Variants in CADM2 observed in about 807,000 individuals in gnomAD.
CADM2 encodes the protein cell adhesion molecule 2.
Under a neutral mutation model 49.8 loss-of-function variants are expected in CADM2, and 12 were observed. The observed-to-expected ratio is 0.24, with a 90% CI of 0.15 to 0.39. CADM2 has a LOEUF of 0.39. Among genes scored for constraint, CADM2 ranks in the 10% least tolerant of loss-of-function variants. CADM2 has a pLI of 1.00. For synonymous variants in CADM2, 214 were observed against 175.4 expected, an observed-to-expected ratio of 1.22 and a Z score of -1.74; for missense variants, 378 against 492.3, an observed-to-expected ratio of 0.77 and a Z score of 2.20.
chr3:85,169,340 T>C (rs947569013), intron 1 of CADM2, among the ~76,000 whole-genome samples: 9 of 152,206 alleles, frequency 5.9e-5, no homozygotes, highest in Non-Finnish European at 1.0e-4. Context: ...TCTTTCAAAC[T>C]TGAGTCCATA....
At chr3:85,816,730 A>G (rs1365482285) in intron 3 of CADM2, among the ~76,000 whole-genome samples, 1 of 152,168 alleles carries the variant, frequency 6.6e-6, no homozygotes, top group African/African-American at 2.4e-5. Flanking sequence ...ACACAAAAAT[A>G]TAAACGAAAA....
intron 1 of CADM2, among the ~76,000 whole-genome samples, chr3:85,703,943 A>T (rs2066859737): frequency 1.3e-5 from 2 of 152,206 alleles, no homozygotes; most frequent in South Asian, 4.1e-4. Context: ...CATCTACCTC[A>T]TGAAAAACAT....
At chr3:85,412,918 G>T (rs943818083) in intron 1 of CADM2, among the ~76,000 whole-genome samples, 6 of 151,388 alleles carry the variant, frequency 4.0e-5, no homozygotes, top group Non-Finnish European at 8.8e-5. Context: ...GAGGCGGGCG[G>T]ATCACGAGGT....
At chr3:85,623,738 A>T (rs2064042468) in intron 1 of CADM2, among the ~76,000 whole-genome samples, 1 of 152,188 alleles carries the variant, frequency 6.6e-6, no homozygotes, top group Non-Finnish European at 1.5e-5. Flanking sequence ...GTCGCTGAGT[A>T]AATTTAATTT....
intron 1 of CADM2, among the ~76,000 whole-genome samples, chr3:85,619,981 G>T (rs550219469): frequency 6.6e-6 from 1 of 152,284 alleles, no homozygotes; most frequent in East Asian, 1.9e-4. Context: ...ACAAACCAAA[G>T]TGTGATGAAA....
rs113644830 is a variant in CADM2 at position 85,271,691 on chromosome 3, A to G, written c.61+312023A>G. 6.0e-3 allele frequency among the ~76,000 whole-genome samples: 914 copies of G among 151,162 alleles called. 14 individuals are homozygous for G. Among genetic ancestry groups the G allele is most frequent in the African/African-American group, 0.021 (852 of 41,374 alleles). ...TAACTCAGTCATTCCCAGACTTTAG[A>G]GCTTTATATATCTCTTAAATTAAAA... On this transcript the variant is annotated intron_variant, in intron 1 of 9. Coordinates refer to ENST00000383699, the MANE Select transcript of CADM2 (RefSeq NM_001167675.2).
intron 2 of CADM2, among the ~76,000 whole-genome samples, chr3:85,786,622 T>C (rs1286661990): frequency 6.6e-6 from 1 of 152,120 alleles, no homozygotes; most frequent in Non-Finnish European, 1.5e-5. Context: ...AGTTTATTTC[T>C]ATGTTACTAC....
chr3:85,283,594 C>A (rs1461874544), intron 1 of CADM2, among the ~76,000 whole-genome samples: 8 of 151,874 alleles, frequency 5.3e-5, no homozygotes, highest in Non-Finnish European at 1.0e-4. Flanking sequence ...CTTGTGTATG[C>A]AAACATATGC....
chr3:85,786,170 T>G (rs2108013036), intron 2 of CADM2, among the ~76,000 whole-genome samples: 1 of 152,190 alleles, frequency 6.6e-6, no homozygotes, highest in African/African-American at 2.4e-5. Context: ...TTTTTACACT[T>G]TCACCTTAAT....
At chr3:85,744,751 G>A (rs897683084) in intron 2 of CADM2, among the ~76,000 whole-genome samples, 5 of 151,940 alleles carry the variant, frequency 3.3e-5, no homozygotes, top group African/African-American at 1.2e-4. Context: ...GAAGATGGAG[G>A]CCAGGATCAA....
chr3:85,107,493 C>T (rs2038276656), intron 1 of CADM2, among the ~76,000 whole-genome samples: 1 of 151,986 alleles, frequency 6.6e-6, no homozygotes, highest in Admixed American at 6.6e-5. Flanking sequence ...AAATTAGGTC[C>T]CTTAAGCATT....
In CADM2 at chr3:85,519,610, C is replaced by T. The variant is rs114145876; in HGVS notation, c.62-206912C>T. Among the ~76,000 whole-genome samples, 690 of 152,124 alleles carry T rather than the reference C, an allele frequency of 4.5e-3. 7 individuals are homozygous for T. The highest frequency in any genetic ancestry group is 0.016 in the African/African-American group (658 of 41,522). ...AAGCATTTTTGTCATTTTAACCTGA[C>T]TCATTATAATATTAATAAACACGAC... is the stretch of plus-strand genomic sequence containing the variant. On this transcript the variant is annotated intron_variant, in intron 1 of 9. Transcript: ENST00000383699.
At chr3:85,906,389 G>A (rs1716817472) in intron 5 of CADM2, among the ~76,000 whole-genome samples, 1 of 152,074 alleles carries the variant, frequency 6.6e-6, no homozygotes, top group Non-Finnish European at 1.5e-5. Context: ...TTAATATTTA[G>A]ATAAATGAAG....
At chr3:85,843,144 A>G (rs1225068780) in intron 3 of CADM2, among the ~76,000 whole-genome samples, 20 of 152,112 alleles carry the variant, frequency 1.3e-4, no homozygotes, top group Non-Finnish European at 1.5e-4. Context: ...CATCTTTTGA[A>G]AAATGCATTT....
intron 7 of CADM2, among the ~76,000 whole-genome samples, chr3:85,944,967 CA>C (rs1322411730): frequency 6.6e-6 from 1 of 151,726 alleles, no homozygotes; most frequent in African/African-American, 2.4e-5. Flanking sequence ...AAAAACCCTT[CA>C]AAAAATCGGT....
intron 8 of CADM2, among the ~76,000 whole-genome samples, chr3:86,054,887 A>T (rs1043986724): frequency 2.0e-5 from 3 of 152,088 alleles, no homozygotes; most frequent in African/African-American, 7.2e-5. Context: ...TATTGAAGTC[A>T]TTTATTTTTT....
chr3:85,999,225 G>A (rs143594278), intron 8 of CADM2, among the ~76,000 whole-genome samples: 234 of 151,078 alleles, frequency 1.5e-3, no homozygotes, highest in Admixed American at 3.2e-3. Context: ...TTTGCCAGGC[G>A]TGGTGGCTCA....
chr3:85,428,787 C>G (rs1322839655), intron 1 of CADM2, among the ~76,000 whole-genome samples: 1 of 150,716 alleles, frequency 6.6e-6, no homozygotes, highest in African/African-American at 2.4e-5. Context: ...CAAGCTCCAT[C>G]CATTATCCAT....
intron 6 of CADM2, among the ~76,000 whole-genome samples, chr3:85,931,362 G>A (rs1055102132): frequency 1.3e-5 from 2 of 152,086 alleles, no homozygotes; most frequent in African/African-American, 4.8e-5. Context: ...TCGATCATGT[G>A]AGCCCAGGAG....
Sources: allele counts gnomAD v4.1 joint callset (sites outside exome capture counted in the v4.1 genomes callset), GRCh38; gene constraint gnomAD v4.1.1; transcripts MANE v1.5; gene names NCBI Gene and HGNC (gene_info 2026-07-23, HGNC 2026-07-21).